Variants in AKNAD1 observed in about 807,000 individuals in gnomAD.
AKNAD1 encodes the protein AKNA domain containing 1.
AKNAD1 carries 67 observed loss-of-function variants against 90.8 expected under a neutral mutation model. That is an observed-to-expected ratio of 0.74 (90% CI 0.61 to 0.90). The LOEUF (loss-of-function observed/expected upper bound fraction) is 0.90. Among genes scored for constraint, AKNAD1 ranks in the 40% least tolerant of loss-of-function variants. AKNAD1 has a pLI of 0.00. For missense variants in AKNAD1, 957 were observed against 975.4 expected (o/e 0.98, Z 0.25); for synonymous variants, 327 against 341.4 (o/e 0.96, Z 0.46).
chr1:108,846,303 A>G (rs1450447803), intron 5 of AKNAD1, among the ~76,000 whole-genome samples: 1 of 152,130 alleles, frequency 6.6e-6, no homozygotes, highest in East Asian at 1.9e-4. Flanking sequence ...GGATCCTCAC[A>G]TACCTGATAA....
chr1:108,837,609 C>G lies in AKNAD1; in HGVS notation c.1477G>C (p.Val493Leu). ...TCATCCAGGGTAACTGGAGAACTCA[C>G]AGGAAGGGAAGGAGCTGAAGTATAT... ...SKYTSAPSLP[V>L]SSPVTLDDLA... Residue 493 changes from valine to leucine, a missense_variant, in exon 7 of 16, where the codon GTG becomes CTG. Physicochemically the swap from Val to Leu is conservative, Grantham distance 32 (BLOSUM62 1). Coordinates refer to ENST00000370001, the MANE Select transcript of AKNAD1 (RefSeq NM_152763.5). 1 of 1,614,170 alleles carries G rather than the reference C, an allele frequency of 6.2e-7. No individual in the cohort carries two copies. Among genetic ancestry groups the G allele is most frequent in the Non-Finnish European group, 8.5e-7 (1 of 1,180,034 alleles).
At chr1:108,820,696 TCC>T in intron 13 of AKNAD1, 70 bp from the exon 14 acceptor site, 1 of 798,402 alleles carries the variant, frequency 1.3e-6, no homozygotes, top group Non-Finnish European at 2.1e-6. Flanking sequence ...TATGTATCAT[TCC>T]TTGAACTTTT....
intron 1 of AKNAD1, among the ~76,000 whole-genome samples, chr1:108,854,305 C>T (rs1664968644): frequency 6.6e-6 from 1 of 152,080 alleles, no homozygotes; most frequent in East Asian, 1.9e-4. Context: ...ACTGAGATTC[C>T]CTCTCCCCTG....
At position 108,852,443 on chromosome 1, in the gene AKNAD1, A is replaced by G; in HGVS notation, c.222T>C (p.Gly74=). 6.2e-7 allele frequency: 1 copy of G among 1,613,736 alleles called. No individual in the cohort carries two copies. The highest frequency in any genetic ancestry group is 8.5e-7 in the Non-Finnish European group (1 of 1,179,890). The change falls in exon 2 of 16, where the codon GGT becomes GGC. Residue 74 remains glycine, a synonymous_variant. Coordinates refer to ENST00000370001, the MANE Select transcript of AKNAD1 (RefSeq NM_152763.5). The part of the protein sequence containing the change: ...CGNTAVTIPL[G]KITENAANKK... Reference sequence around the variant, plus strand: ...TGTTGGCAGCATTTTCAGTAATTTTACCCAGGGGTATGGTCACAGCTGTAT... The same window carrying G: ...TGTTGGCAGCATTTTCAGTAATTTTGCCCAGGGGTATGGTCACAGCTGTAT...
intron 5 of AKNAD1, among the ~76,000 whole-genome samples, chr1:108,843,736 G>A (rs547386983): frequency 4.5e-4 from 68 of 152,294 alleles, no homozygotes; most frequent in African/African-American, 1.3e-3. Context: ...ATCTTAAAAA[G>A]GAACTGTAGT....
At position 108,856,925 on chromosome 1, in the gene AKNAD1, A is replaced by G. The variant is rs1257961242; in HGVS notation, c.-104+4T>C. On this transcript the variant is annotated splice_donor_region_variant and intron_variant, in intron 1 of 15. Transcript: ENST00000370001. Reference sequence around the variant, plus strand: ...GATTTTTTCTGGAAAAGGACAATCCATACCCTTAGCAAGGTAATGAGCTTC... The same window carrying G: ...GATTTTTTCTGGAAAAGGACAATCCGTACCCTTAGCAAGGTAATGAGCTTC... 1 of 152,222 alleles carries G rather than the reference A, an allele frequency of 6.6e-6. No homozygotes were observed. The highest frequency in any genetic ancestry group is 1.5e-5 in the Non-Finnish European group (1 of 68,040). 9.4% of individuals were successfully genotyped at this position (152,222 alleles called of 1,614,324 possible).
rs147162345 is a variant in AKNAD1 at position 108,847,178 on chromosome 1, G to A, written c.1245+1574C>T. On this transcript the variant is annotated intron_variant, in intron 5 of 15. Coordinates refer to ENST00000370001, the MANE Select transcript of AKNAD1 (RefSeq NM_152763.5). ...AACCTTCAATGCAGCCAGGTGCAGC[G>A]GCTCATGCCTGTAATCCCAGCACTT... Among the ~76,000 whole-genome samples the A allele has an allele frequency of 3.7e-3, 567 of 152,178 alleles. 4 individuals carry two copies. The highest frequency in any genetic ancestry group is 0.013 in the African/African-American group (537 of 41,522).
At chr1:108,846,079 G>T (rs573211134) in intron 5 of AKNAD1, among the ~76,000 whole-genome samples, 1 of 152,318 alleles carries the variant, frequency 6.6e-6, no homozygotes, top group South Asian at 2.1e-4. Context: ...GGGAAGACAT[G>T]CTGTAACATG....
Position 108,837,543 on chromosome 1 carries a change from G to A in AKNAD1, c.1536+7C>T, listed in dbSNP as rs776270229. 4.3e-6 allele frequency: 7 copies of A among 1,614,022 alleles called. No homozygotes were observed. Among genetic ancestry groups the A allele is most frequent in the East Asian group, 4.5e-5 (2 of 44,876 alleles). ...GCACAAAATTAGACTGTACATTGCT[G>A]TATTACCTCATTTGAGAGTGAAGAG... On this transcript the variant is annotated splice_region_variant and intron_variant, in intron 7 of 15. Coordinates refer to ENST00000370001, the MANE Select transcript of AKNAD1 (RefSeq NM_152763.5).
chr1:108,823,454 G>T lies in AKNAD1; in HGVS notation c.2083C>A (p.Pro695Thr), dbSNP rs757232751. 8 of 1,614,082 alleles carry T rather than the reference G, an allele frequency of 5.0e-6. No homozygotes were observed. The South Asian group carries it at 7.7e-5, about 16-fold the overall frequency. ...TKEFHYRYNT[P>T]GQNYSNHSKR... Reference sequence around the variant, plus strand: ...CTATGATTTGAGTAATTCTGTCCTGGAGTGTTGTATCTATAATGAAATTCT... The same window carrying T: ...CTATGATTTGAGTAATTCTGTCCTGTAGTGTTGTATCTATAATGAAATTCT... The change falls in exon 13 of 16, where the codon CCA (proline) becomes ACA (threonine). Residue 695 changes from proline (P) to threonine (T), a missense_variant. Coordinates refer to ENST00000370001, the MANE Select transcript of AKNAD1 (RefSeq NM_152763.5).
intron 6 of AKNAD1, among the ~76,000 whole-genome samples, chr1:108,838,330 A>C (rs902117913): frequency 1.5e-5 from 2 of 134,690 alleles, no homozygotes; most frequent in African/African-American, 7.5e-5. Flanking sequence ...CCCCCCCCCC[A>C]AAAAAAACCC....
rs1248477531 is a variant in AKNAD1, at chr1:108,851,946, T to G, written c.719A>C (p.Lys240Thr). 1.9e-6 allele frequency: 3 copies of G among 1,614,250 alleles called. No individual in the cohort carries two copies. In the Admixed American group the frequency reaches 5.0e-5, roughly 27 times the overall value. Residue 240 changes from lysine (K) to threonine (T), a missense_variant, in exon 2 of 16, where the codon AAA becomes ACA. Physicochemically the swap from Lys to Thr is moderately conservative, Grantham distance 78. Coordinates refer to ENST00000370001, the MANE Select transcript of AKNAD1 (RefSeq NM_152763.5). ...TTTGAACGTGTTGCCTGAATTTGCT[T>G]TTTCAGTCTGCTGTTTCTGGGGTGA... is the stretch of plus-strand genomic sequence containing the variant. ...GQSPQKQQTEKANSGNTFKYG... is the reference protein window; with the variant it reads ...GQSPQKQQTETANSGNTFKYG...
intron 13 of AKNAD1, 22 bp downstream of exon 13, chr1:108,823,348 G>T (rs763602614): frequency 1.3e-6 from 2 of 1,532,856 alleles, no homozygotes; most frequent in Non-Finnish European, 1.8e-6. Flanking sequence ...TATGGATGGG[G>T]TCATGCAGGA....
In AKNAD1 at chr1:108,834,501, T is replaced by A; in HGVS notation, c.1692A>T (p.Ala564=). The A allele has an allele frequency of 6.2e-7, 1 of 1,609,160 alleles. No homozygotes were observed. The highest frequency in any genetic ancestry group is 1.1e-5 in the South Asian group (1 of 90,092). ...CTTGGTCTGGCTTGTTCTGGGCAGC[T>A]GCATCTCCATAATGACCGTTTAGGT... The part of the protein sequence containing the change: ...QTYLNGHYGD[A]AAQNKPDQVA... Residue 564 remains alanine, a synonymous_variant, in exon 9 of 16, where the codon GCA becomes GCT. Coordinates refer to ENST00000370001, the MANE Select transcript of AKNAD1 (RefSeq NM_152763.5).
At chr1:108,845,926 G>A (rs573865654) in intron 5 of AKNAD1, among the ~76,000 whole-genome samples, 4 of 152,350 alleles carry the variant, frequency 2.6e-5, no homozygotes, top group African/African-American at 4.8e-5. Context: ...TCAAGGGAAA[G>A]AGGGTAATGA....
intron 5 of AKNAD1, among the ~76,000 whole-genome samples, chr1:108,846,042 C>A (rs1212196390): frequency 6.6e-6 from 1 of 152,202 alleles, no homozygotes; most frequent in Non-Finnish European, 1.5e-5. Flanking sequence ...AAGTGTGCCT[C>A]ACTGAATTCT....
intron 5 of AKNAD1, among the ~76,000 whole-genome samples, chr1:108,846,269 C>A (rs2101207833): frequency 6.6e-6 from 1 of 152,274 alleles, no homozygotes; most frequent in African/African-American, 2.4e-5. Flanking sequence ...CAGGAGCCAC[C>A]TTTACTCTCC....
rs139988698 is a variant in AKNAD1 at position 108,848,705 on chromosome 1, G to A, written c.1245+47C>T. 4,637 of 1,501,506 alleles carry A rather than the reference G, an allele frequency of 3.1e-3. 16 individuals carry two copies. Among genetic ancestry groups the A allele is most frequent in the Middle Eastern group, 0.023 (104 of 4,508 alleles). The allele number at this position is 1,501,506 out of a possible 1,614,324, so 93.0% of individuals were successfully genotyped here. On this transcript the variant is annotated intron_variant, in intron 5 of 15. Coordinates refer to ENST00000370001, the MANE Select transcript of AKNAD1 (RefSeq NM_152763.5). ...TATAAAGTTATTTATCTTTATCCAA[G>A]CCATATTCTCTAATCAAGATTTTAA...
intron 9 of AKNAD1, among the ~76,000 whole-genome samples, chr1:108,832,885 C>A (rs1664252762): frequency 6.6e-6 from 1 of 152,170 alleles, no homozygotes; most frequent in Non-Finnish European, 1.5e-5. Flanking sequence ...CTGCCCTCAG[C>A]CTATAAACCC....
Sources: allele counts gnomAD v4.1 joint callset (sites outside exome capture counted in the v4.1 genomes callset), GRCh38; gene constraint gnomAD v4.1.1; transcripts MANE v1.5; gene names NCBI Gene and HGNC (gene_info 2026-07-23, HGNC 2026-07-21).